Variants in SLC35F3 observed in about 807,000 individuals in gnomAD.
SLC35F3 encodes the protein putative thiamine transporter SLC35F3.
A neutral mutation model predicts 49.9 loss-of-function variants in SLC35F3; 25 were observed. That is an observed-to-expected ratio of 0.50 (90% CI 0.37 to 0.70). The LOEUF (loss-of-function observed/expected upper bound fraction) is 0.70. Ranked by LOEUF, SLC35F3 falls within the 30% of genes least tolerant of loss-of-function variation. SLC35F3 has a pLI of 0.00. For synonymous variants in SLC35F3, 275 were observed against 265.4 expected (o/e 1.04, Z -0.35); for missense variants, 525 against 639.8 (o/e 0.82, Z 1.94).
chr1:233,911,546 G>A (rs1661874085), intron 2 of SLC35F3, among the ~76,000 whole-genome samples: 1 of 152,160 alleles, frequency 6.6e-6, no homozygotes, highest in Admixed American at 6.5e-5. Flanking sequence ...TGAAAATGCA[G>A]AACTATTATC....
In SLC35F3 at chr1:234,053,552, G is replaced by C. The variant is rs548037719; in HGVS notation, c.283+147794G>C. 2.3e-3 allele frequency among the ~76,000 whole-genome samples: 353 copies of C among 152,144 alleles called. 2 individuals are homozygous for C. Among genetic ancestry groups the C allele is most frequent in the South Asian group, 0.01 (50 of 4,808 alleles). ...ATGTGTGTCTCTGCATGTGAGATGGGTCTCCTGAATATAGCACACTGTTGG... is the reference window on the plus strand; with the variant it reads ...ATGTGTGTCTCTGCATGTGAGATGGCTCTCCTGAATATAGCACACTGTTGG... On this transcript the variant is annotated intron_variant, in intron 2 of 7. Coordinates refer to ENST00000366618, the MANE Select transcript of SLC35F3 (RefSeq NM_173508.4).
chr1:234,139,497 A>G (rs1665859450), intron 2 of SLC35F3, among the ~76,000 whole-genome samples: 1 of 152,198 alleles, frequency 6.6e-6, no homozygotes, highest in Non-Finnish European at 1.5e-5. Flanking sequence ...TATGGGACAC[A>G]CTTATAGTTT....
intron 3 of SLC35F3, among the ~76,000 whole-genome samples, chr1:234,283,275 A>T (rs1572134062): frequency 6.6e-6 from 1 of 152,334 alleles, no homozygotes; most frequent in African/African-American, 2.4e-5. Flanking sequence ...CATAAGCCAA[A>T]TTTTAATTTT....
At chr1:234,149,507 G>A (rs1666041514) in intron 2 of SLC35F3, among the ~76,000 whole-genome samples, 1 of 152,126 alleles carries the variant, frequency 6.6e-6, no homozygotes, top group Non-Finnish European at 1.5e-5. Flanking sequence ...TGACTTCAAC[G>A]CAGTCCTGTG....
intron 2 of SLC35F3, among the ~76,000 whole-genome samples, chr1:234,109,120 G>A (rs1665367344): frequency 6.6e-6 from 1 of 150,956 alleles, no homozygotes; most frequent in Non-Finnish European, 1.5e-5. Flanking sequence ...GCTGCTGTGA[G>A]CAGTCTTCTT....
Position 234,012,522 on chromosome 1 carries a change from A to C in SLC35F3, c.283+106764A>C, listed in dbSNP as rs910470356. Among the ~76,000 whole-genome samples, 8 of 152,190 alleles carry C rather than the reference A, an allele frequency of 5.3e-5. No homozygotes were observed. In the South Asian group the frequency reaches 1.2e-3, roughly 24 times the overall value. ...AGGTCCCTGCGGCTTTCCGCAGTGC[A>C]TTGTGCCCCTGGTTTATCGAGACTA... On this transcript the variant is annotated intron_variant, in intron 2 of 7. Coordinates refer to ENST00000366618, the MANE Select transcript of SLC35F3 (RefSeq NM_173508.4).
intron 2 of SLC35F3, among the ~76,000 whole-genome samples, chr1:234,023,279 T>C (rs1663926580): frequency 6.6e-6 from 1 of 152,156 alleles, no homozygotes; most frequent in African/African-American, 2.4e-5. Context: ...GGAAGAAATA[T>C]ACAGATAAGC....
intron 2 of SLC35F3, among the ~76,000 whole-genome samples, chr1:234,201,478 C>T (rs1406888157): frequency 2.6e-5 from 4 of 152,124 alleles, no homozygotes; most frequent in Admixed American, 6.5e-5. Flanking sequence ...ATTTTGAGAA[C>T]GACACTGCCA....
intron 2 of SLC35F3, among the ~76,000 whole-genome samples, chr1:234,127,276 G>A (rs1005719735): frequency 2.0e-5 from 3 of 152,040 alleles, no homozygotes; most frequent in African/African-American, 7.2e-5. Context: ...TAATAACCAG[G>A]TTTTATATTT....
intron 2 of SLC35F3, among the ~76,000 whole-genome samples, chr1:234,119,552 G>C (rs2102892357): frequency 6.6e-6 from 1 of 152,264 alleles, no homozygotes; most frequent in African/African-American, 2.4e-5. Context: ...GTCCTTTCTT[G>C]GTCATAGGCT....
intron 2 of SLC35F3, among the ~76,000 whole-genome samples, chr1:233,985,693 G>C (rs1472435527): frequency 1.3e-5 from 2 of 152,136 alleles, no homozygotes; most frequent in African/African-American, 4.8e-5. Context: ...ACATTCTGGG[G>C]GTGCTTTATT....
At chr1:234,030,405 G>A (rs1401715585) in intron 2 of SLC35F3, among the ~76,000 whole-genome samples, 2 of 152,180 alleles carry the variant, frequency 1.3e-5, no homozygotes, top group East Asian at 3.8e-4. Flanking sequence ...CAGTACAGAG[G>A]ACTGTCCTGG....
chr1:234,245,300 C>T (rs551091227), intron 3 of SLC35F3, among the ~76,000 whole-genome samples: 107 of 152,324 alleles, frequency 7.0e-4, no homozygotes, highest in Non-Finnish European at 1.3e-3. Context: ...GACATGATTT[C>T]ATTCCTTTTT....
At chr1:233,960,406 G>A (rs1662775843) in intron 2 of SLC35F3, among the ~76,000 whole-genome samples, 1 of 152,140 alleles carries the variant, frequency 6.6e-6, no homozygotes, top group South Asian at 2.1e-4. Flanking sequence ...TTCCCACCAA[G>A]CAGGTAACCC....
intron 2 of SLC35F3, among the ~76,000 whole-genome samples, chr1:233,960,318 G>A (rs890182986): frequency 2.0e-5 from 3 of 152,174 alleles, no homozygotes; most frequent in African/African-American, 7.2e-5. Context: ...ACACAGTGAG[G>A]AAGCTCCTCA....
chr1:234,253,015 T>C (rs556442583), intron 3 of SLC35F3, among the ~76,000 whole-genome samples: 29 of 152,350 alleles, frequency 1.9e-4, no homozygotes, highest in African/African-American at 2.6e-4. Context: ...GATTGTGGTA[T>C]ACAACCTTTG....
intron 2 of SLC35F3, among the ~76,000 whole-genome samples, chr1:233,954,608 A>T (rs1662664249): frequency 6.6e-6 from 1 of 152,186 alleles, no homozygotes; most frequent in South Asian, 2.1e-4. Context: ...ATACAGAAGT[A>T]CCTGGCATAG....
intron 2 of SLC35F3, among the ~76,000 whole-genome samples, chr1:233,956,904 A>G (rs900936593): frequency 6.6e-6 from 1 of 152,182 alleles, no homozygotes; most frequent in Non-Finnish European, 1.5e-5. Context: ...GCCCCCGCCT[A>G]GTGGTGGAAT....
chr1:234,320,141 C>T lies in SLC35F3; in HGVS notation c.1191C>T (p.Pro397=). The T allele has an allele frequency of 6.2e-7, 1 of 1,613,896 alleles. No homozygotes were observed. Among genetic ancestry groups the T allele is most frequent in the Non-Finnish European group, 8.5e-7 (1 of 1,179,796 alleles). ...VLNFGIAVTY[P]TLMSLGIVLS... ...ATTTTGGAATTGCCGTTACATATCC[C>T]ACTCTGATGTCTCTTGGAATCGTCC... is the stretch of plus-strand genomic sequence containing the variant. The change falls in exon 7 of 8, where the codon CCC becomes CCT. Residue 397 remains proline (P), a synonymous_variant. Transcript: ENST00000366618. This position sits in a 1 kb window ranked among gnomAD's most constrained non-coding sequence, Gnocchi z 4.8.
Sources: allele counts gnomAD v4.1 joint callset (sites outside exome capture counted in the v4.1 genomes callset), GRCh38; gene constraint gnomAD v4.1.1; non-coding constraint Gnocchi (gnomAD v3.1); transcripts MANE v1.5; gene names NCBI Gene and HGNC (gene_info 2026-07-23, HGNC 2026-07-21).